FOXO3: variants seen among roughly 807,000 people sequenced by gnomAD.
FOXO3 encodes the protein forkhead box O3.
In FOXO3, 4 loss-of-function variants were observed where a neutral mutation model predicts 41.9. The ratio of observed to expected loss-of-function variants is 0.10; its 90% CI spans 0.05 to 0.22. FOXO3 has a LOEUF of 0.22. Among genes scored for constraint, FOXO3 ranks in the 10% least tolerant of loss-of-function variants. The pLI, the probability that FOXO3 is intolerant of heterozygous loss-of-function variation, is 1.00. For synonymous variants in FOXO3, 318 were observed against 389.3 expected, an observed-to-expected ratio of 0.82 and a Z score of 2.16; for missense variants, 534 against 906.8, an observed-to-expected ratio of 0.59 and a Z score of 5.28.
intron 1 of FOXO3, among the ~76,000 whole-genome samples, chr6:108,606,911 A>G (rs1777220109): frequency 6.6e-6 from 1 of 152,170 alleles, no homozygotes. Context: ...TGAAGAAGAC[A>G]ATGCTTGTCC....
chr6:108,581,900 G>A (rs542704760), intron 1 of FOXO3, among the ~76,000 whole-genome samples: 1 of 152,074 alleles, frequency 6.6e-6, no homozygotes, highest in East Asian at 1.9e-4. Flanking sequence ...CCAAGACTTT[G>A]TTTAAAAAAA....
upstream of FOXO3, among the ~76,000 whole-genome samples, chr6:108,560,386 G>C (rs1174352098): frequency 6.6e-6 from 1 of 152,220 alleles, no homozygotes; most frequent in African/African-American, 2.4e-5. Context: ...TCCCCGCCGG[G>C]CTCGAACCTC....
intron 1 of FOXO3, among the ~76,000 whole-genome samples, chr6:108,643,516 A>G (rs534436512): frequency 1.3e-5 from 2 of 152,318 alleles, no homozygotes; most frequent in South Asian, 4.1e-4. Flanking sequence ...GATGAGCAAC[A>G]CTCAGAAATC....
intron 1 of FOXO3, chr6:108,639,386 G>A: frequency 5.2e-6 from 1 of 193,698 alleles, no homozygotes; most frequent in Non-Finnish European, 9.4e-6. Context: ...CCTAAAGTGT[G>A]TGGCATTGTA....
intron 1 of FOXO3, among the ~76,000 whole-genome samples, chr6:108,647,222 CCAAATTCTTTGGCA>C (rs2128381233): frequency 6.6e-6 from 1 of 152,270 alleles, no homozygotes; most frequent in East Asian, 1.9e-4. Context: ...ATGGCTTTGG[CCAAATTCTTTGGCA>C]GCTACCCTAG....
chr6:108,627,745 A>G (rs918976019), intron 1 of FOXO3, among the ~76,000 whole-genome samples: 2 of 152,156 alleles, frequency 1.3e-5, no homozygotes, highest in South Asian at 4.1e-4. Flanking sequence ...ATGCTTTAAG[A>G]AACTTTACAA....
chr6:108,567,397 C>G (rs1459179964), intron 1 of FOXO3, among the ~76,000 whole-genome samples: 2 of 152,158 alleles, frequency 1.3e-5, no homozygotes, highest in Admixed American at 6.5e-5. Flanking sequence ...GATCTGGGAT[C>G]CCCAGTTCTG....
chr6:108,612,245 A>G (rs1229846906), intron 1 of FOXO3, among the ~76,000 whole-genome samples: 1 of 152,132 alleles, frequency 6.6e-6, no homozygotes, highest in Non-Finnish European at 1.5e-5. Flanking sequence ...ATTAGTTTCC[A>G]TTTGTTTAGT....
intron 1 of FOXO3, among the ~76,000 whole-genome samples, chr6:108,646,216 G>A (rs1778388488): frequency 6.6e-6 from 1 of 152,112 alleles, no homozygotes; most frequent in African/African-American, 2.4e-5. Context: ...GTCTTGCATG[G>A]AACTCTTCCA....
intron 1 of FOXO3, among the ~76,000 whole-genome samples, chr6:108,639,796 G>A (rs906115005): frequency 4.6e-5 from 7 of 152,188 alleles, no homozygotes; most frequent in Non-Finnish European, 7.3e-5. Flanking sequence ...ATACATTGTG[G>A]TTTCGGCTGG....
At chr6:108,667,341 A>G (rs934245968) in intron 2 of FOXO3, among the ~76,000 whole-genome samples, 2 of 152,214 alleles carry the variant, frequency 1.3e-5, no homozygotes, top group Non-Finnish European at 2.9e-5. Context: ...AATATGGAAG[A>G]TTTGTCTTTA....
At chr6:108,601,532 G>A (rs946768497) in intron 1 of FOXO3, among the ~76,000 whole-genome samples, 4 of 152,104 alleles carry the variant, frequency 2.6e-5, no homozygotes, top group East Asian at 1.9e-4. Flanking sequence ...TTAAACTCCC[G>A]ATCTCAGGTG....
intron 2 of FOXO3, among the ~76,000 whole-genome samples, chr6:108,671,633 T>C (rs1281611259): frequency 6.6e-6 from 1 of 152,242 alleles, no homozygotes; most frequent in Non-Finnish European, 1.5e-5. Context: ...TGTTATTTAA[T>C]GTTTATTGTG....
At chr6:108,575,346 C>G (rs1288126685) in intron 1 of FOXO3, among the ~76,000 whole-genome samples, 1 of 151,278 alleles carries the variant, frequency 6.6e-6, no homozygotes, top group Non-Finnish European at 1.5e-5. Flanking sequence ...TACCTTCCCC[C>G]CTTTTCTTCC....
chr6:108,620,558 T>C (rs1777638089), intron 1 of FOXO3, among the ~76,000 whole-genome samples: 1 of 152,234 alleles, frequency 6.6e-6, no homozygotes, highest in Non-Finnish European at 1.5e-5. Flanking sequence ...GATGGTTTTC[T>C]GGTGGAGCTG....
chr6:108,618,926 C>T (rs1163127387), intron 1 of FOXO3, among the ~76,000 whole-genome samples: 1 of 152,202 alleles, frequency 6.6e-6, no homozygotes, highest in Non-Finnish European at 1.5e-5. Context: ...CTGACATGCT[C>T]TGTGTTCCCC....
chr6:108,569,618 G>A (rs1004164290), intron 1 of FOXO3, among the ~76,000 whole-genome samples: 3 of 152,128 alleles, frequency 2.0e-5, no homozygotes, highest in African/African-American at 7.2e-5. Flanking sequence ...CTTCTCTGCT[G>A]GGCTGTGGTT....
intron 1 of FOXO3, among the ~76,000 whole-genome samples, chr6:108,624,351 C>T (rs562704887): frequency 9.3e-5 from 14 of 150,788 alleles, no homozygotes; most frequent in African/African-American, 2.7e-4. Flanking sequence ...TAGAAAGATA[C>T]AGCATTTTTG....
At chr6:108,575,703 A>G (rs561445142) in intron 1 of FOXO3, among the ~76,000 whole-genome samples, 2 of 152,312 alleles carry the variant, frequency 1.3e-5, no homozygotes, top group South Asian at 4.1e-4. Context: ...TTTGCAGTAG[A>G]AAAACTTCAG....
Sources: allele counts gnomAD v4.1 joint callset (sites outside exome capture counted in the v4.1 genomes callset), GRCh38; gene constraint gnomAD v4.1.1; transcripts MANE v1.5; gene names NCBI Gene and HGNC (gene_info 2026-07-23, HGNC 2026-07-21).